THSD7B: variants seen among roughly 807,000 people sequenced by gnomAD.
THSD7B encodes the protein thrombospondin type 1 domain containing 7B, also known as thrombospondin type-1 domain-containing protein 7B.
THSD7B carries 138 observed loss-of-function variants against 213.6 expected under a neutral mutation model. That is an observed-to-expected ratio of 0.65 (90% CI 0.56 to 0.74). The LOEUF (loss-of-function observed/expected upper bound fraction) is 0.74. Among genes scored for constraint, THSD7B ranks in the 30% least tolerant of loss-of-function variants. The pLI is 0.00. For synonymous variants in THSD7B, 742 were observed against 687.0 expected (o/e 1.08, Z -1.25); for missense variants, 1,931 against 1,991.5 (o/e 0.97, Z 0.58).
intron 12 of THSD7B, among the ~76,000 whole-genome samples, chr2:137,395,025 T>C (rs1686139963): frequency 7.0e-6 from 1 of 142,876 alleles, no homozygotes; most frequent in African/African-American, 2.6e-5. Context: ...ATCCTGAGAC[T>C]TTGCTGAAGT....
At chr2:136,913,853 C>T (rs532660365) in intron 2 of THSD7B, among the ~76,000 whole-genome samples, 11 of 152,230 alleles carry the variant, frequency 7.2e-5, no homozygotes, top group Admixed American at 7.2e-4. Context: ...TCTGCTAGGG[C>T]AGTGCAGAAG....
chr2:136,872,735 C>T (rs1017271951), intron 1 of THSD7B, among the ~76,000 whole-genome samples: 7 of 143,428 alleles, frequency 4.9e-5, no homozygotes, highest in Non-Finnish European at 7.5e-5. Context: ...GATTGGGAGG[C>T]CAAGGCAGGT....
intron 2 of THSD7B, among the ~76,000 whole-genome samples, chr2:137,015,870 CAG>C (rs1228450960): frequency 6.6e-6 from 1 of 152,128 alleles, no homozygotes; most frequent in East Asian, 1.9e-4. Flanking sequence ...CGGTGGCACA[CAG>C]AGCTCAGTTC....
At chr2:137,377,700 C>T (rs1165112119) in intron 12 of THSD7B, among the ~76,000 whole-genome samples, 1 of 151,100 alleles carries the variant, frequency 6.6e-6, no homozygotes, top group African/African-American at 2.4e-5. Context: ...GATCCTGATT[C>T]ACGGCAACCT....
chr2:137,038,758 G>C (rs1686824061), intron 2 of THSD7B, among the ~76,000 whole-genome samples: 1 of 152,220 alleles, frequency 6.6e-6, no homozygotes, highest in South Asian at 2.1e-4. Flanking sequence ...ATTCACCTTG[G>C]CTCTGCATAG....
chr2:137,257,272 G>A (rs1682333742), intron 10 of THSD7B, among the ~76,000 whole-genome samples: 1 of 152,112 alleles, frequency 6.6e-6, no homozygotes, highest in Admixed American at 6.5e-5. Flanking sequence ...TTCATGACCT[G>A]GAGTGTGCTC....
intron 17 of THSD7B, among the ~76,000 whole-genome samples, chr2:137,607,835 A>G (rs1305700408): frequency 6.6e-6 from 1 of 152,020 alleles, no homozygotes; most frequent in African/African-American, 2.4e-5. Flanking sequence ...CAACTTCACA[A>G]CTCCTTAGTG....
At chr2:137,270,013 T>C (rs1682695881) in intron 10 of THSD7B, among the ~76,000 whole-genome samples, 1 of 152,074 alleles carries the variant, frequency 6.6e-6, no homozygotes, top group South Asian at 2.1e-4. Flanking sequence ...GGTATGATGG[T>C]TTAGGACCTG....
chr2:136,975,149 C>T (rs1011469210), intron 2 of THSD7B, among the ~76,000 whole-genome samples: 1 of 151,026 alleles, frequency 6.6e-6, no homozygotes, highest in Non-Finnish European at 1.5e-5. Context: ...CTGTAGGTTG[C>T]CTGTTCACTC....
chr2:137,011,309 T>A (rs1477140275), intron 2 of THSD7B, among the ~76,000 whole-genome samples: 1 of 152,202 alleles, frequency 6.6e-6, no homozygotes, highest in East Asian at 1.9e-4. Context: ...TTCCTTTTTA[T>A]CTTTTTCAGT....
chr2:137,331,982 G>A (rs1004039887), intron 12 of THSD7B, among the ~76,000 whole-genome samples: 13 of 152,100 alleles, frequency 8.5e-5, no homozygotes, highest in Admixed American at 7.2e-4. Flanking sequence ...TCCCACTCGC[G>A]CCTCTCCCTC....
chr2:136,768,978 A>G (rs1318313024), intron 1 of THSD7B, among the ~76,000 whole-genome samples: 1 of 152,152 alleles, frequency 6.6e-6, no homozygotes, highest in Non-Finnish European at 1.5e-5. Flanking sequence ...TCTAGTCTAG[A>G]AATTTACTAT....
chr2:137,448,502 A>G (rs1687584524), intron 14 of THSD7B, among the ~76,000 whole-genome samples: 1 of 152,160 alleles, frequency 6.6e-6, no homozygotes, highest in South Asian at 2.1e-4. Context: ...GAATCATCTG[A>G]ATGTGTTTAA....
intron 15 of THSD7B, among the ~76,000 whole-genome samples, chr2:137,469,988 A>C (rs1688062299): frequency 6.6e-6 from 1 of 152,212 alleles, no homozygotes; most frequent in African/African-American, 2.4e-5. Flanking sequence ...ACATACAATT[A>C]ATTTACATTT....
At chr2:137,400,826 G>A (rs922754780) in intron 12 of THSD7B, among the ~76,000 whole-genome samples, 2 of 152,150 alleles carry the variant, frequency 1.3e-5, no homozygotes, top group African/African-American at 4.8e-5. Context: ...GGAACCCCAG[G>A]GGTGTGGATC....
At chr2:137,529,693 T>A (rs1680360082) in intron 15 of THSD7B, among the ~76,000 whole-genome samples, 2 of 151,968 alleles carry the variant, frequency 1.3e-5, no homozygotes, top group South Asian at 4.1e-4. Context: ...AAGTTTAAGC[T>A]TTTTAATAAG....
intron 15 of THSD7B, among the ~76,000 whole-genome samples, chr2:137,550,437 C>G (rs1158504050): frequency 6.6e-6 from 1 of 152,028 alleles, no homozygotes; most frequent in Non-Finnish European, 1.5e-5. Context: ...AAATATAAAT[C>G]TGCTATAGGG....
At chr2:137,473,816 G>A (rs1275141467) in intron 15 of THSD7B, among the ~76,000 whole-genome samples, 1 of 152,122 alleles carries the variant, frequency 6.6e-6, no homozygotes, top group Non-Finnish European at 1.5e-5. Flanking sequence ...GTTTTGACCT[G>A]TAGGCTTTCT....
chr2:136,890,156 T>C (rs1040458959), intron 2 of THSD7B, among the ~76,000 whole-genome samples: 8 of 152,092 alleles, frequency 5.3e-5, no homozygotes, highest in Non-Finnish European at 1.2e-4. Flanking sequence ...TTGCTTGTTA[T>C]TCTTTCTCTG....
Sources: allele counts gnomAD v4.1 joint callset (sites outside exome capture counted in the v4.1 genomes callset), GRCh38; gene constraint gnomAD v4.1.1; transcripts MANE v1.5; gene names NCBI Gene and HGNC (gene_info 2026-07-23, HGNC 2026-07-21).